The following RSPO2 variants were observed in gnomAD, a reference collection of about 807,000 sequenced individuals.
The protein encoded by RSPO2 is R-spondin 2, also known as R-spondin-2.
A neutral mutation model predicts 30.9 loss-of-function variants in RSPO2; 14 were observed. The observed-to-expected ratio is 0.45, with a 90% confidence interval of 0.30 to 0.71. The LOEUF is 0.71. Ranked by LOEUF, RSPO2 falls within the 30% of genes least tolerant of loss-of-function variation. The pLI is 0.08. For missense variants in RSPO2, 264 were observed against 301.9 expected (o/e 0.87, Z 0.93); for synonymous variants, 107 against 96.4 (o/e 1.11, Z -0.64).
intron 2 of RSPO2, among the ~76,000 whole-genome samples, chr8:108,031,213 C>A (rs1171099672): frequency 2.0e-5 from 3 of 152,160 alleles, no homozygotes; most frequent in South Asian, 2.1e-4. Flanking sequence ...CCAGATTAAT[C>A]TTCCTTCAAA....
At chr8:108,076,251 G>A (rs1813010149) in intron 2 of RSPO2, among the ~76,000 whole-genome samples, 1 of 152,210 alleles carries the variant, frequency 6.6e-6, no homozygotes, top group Non-Finnish European at 1.5e-5. Flanking sequence ...AGCAGGCTGT[G>A]GTCAGATGGT....
At chr8:108,007,516 G>A (rs996456902) in intron 2 of RSPO2, among the ~76,000 whole-genome samples, 3 of 152,056 alleles carry the variant, frequency 2.0e-5, no homozygotes, top group African/African-American at 2.4e-5. Context: ...TGCCTTACAC[G>A]CCTGCTGATG....
intron 2 of RSPO2, among the ~76,000 whole-genome samples, chr8:108,018,416 C>CA (rs1297709915): frequency 6.6e-6 from 1 of 152,212 alleles, no homozygotes; most frequent in Admixed American, 6.5e-5. Context: ...CAGGAGACCT[C>CA]AAGCAGCCAA....
intron 2 of RSPO2, among the ~76,000 whole-genome samples, chr8:108,064,234 GA>G (rs1229062698): frequency 2.2e-4 from 34 of 152,114 alleles, no homozygotes; most frequent in Non-Finnish European, 2.5e-4. Flanking sequence ...CCATCAGAGT[GA>G]AACAGGCAAC....
At chr8:107,942,653 G>A (rs180858164) in intron 5 of RSPO2, among the ~76,000 whole-genome samples, 1 of 152,196 alleles carries the variant, frequency 6.6e-6, no homozygotes, top group African/African-American at 2.4e-5. Flanking sequence ...TAACAGGACA[G>A]CAAAGCTTTT....
At chr8:108,075,467 C>A (rs144110433) in intron 2 of RSPO2, among the ~76,000 whole-genome samples, 2,686 of 148,840 alleles carry the variant, frequency 0.018, 33 homozygotes, top group Middle Eastern at 0.087. Flanking sequence ...GCAACAAGAG[C>A]GAAATTCCAT....
intron 5 of RSPO2, among the ~76,000 whole-genome samples, chr8:107,923,090 AACTT>A (rs1170677002): frequency 6.6e-6 from 1 of 152,226 alleles, no homozygotes; most frequent in African/African-American, 2.4e-5. Context: ...GATCTAATGA[AACTT>A]ACGAGCTTCT....
Position 108,045,618 on chromosome 8 carries a change from C to A in RSPO2, c.94+36927G>T, listed in dbSNP as rs566657666. 9.9e-5 allele frequency among the ~76,000 whole-genome samples: 15 copies of A among 152,186 alleles called. No homozygotes were observed. In the South Asian group the frequency reaches 2.9e-3, roughly 29 times the overall value. ...CACTATCCACAAATACTGAAACTCA[C>A]AAATATTACAACATTTTTGTTGGGA... On this transcript the variant is annotated intron_variant, in intron 2 of 5. Transcript: ENST00000276659.
intron 5 of RSPO2, among the ~76,000 whole-genome samples, chr8:107,935,476 A>G (rs1322408845): frequency 6.6e-6 from 1 of 152,052 alleles, no homozygotes; most frequent in Non-Finnish European, 1.5e-5. Context: ...GAACTCTAAT[A>G]GAAATTAGAG....
chr8:108,059,082 A>G (rs945665796), intron 2 of RSPO2, among the ~76,000 whole-genome samples: 1 of 151,812 alleles, frequency 6.6e-6, no homozygotes, highest in African/African-American at 2.4e-5. Context: ...ATGGGAGAAA[A>G]TTTTTGCAAC....
intron 2 of RSPO2, among the ~76,000 whole-genome samples, chr8:108,008,071 C>A (rs1218955473): frequency 6.6e-6 from 1 of 152,156 alleles, no homozygotes; most frequent in East Asian, 1.9e-4. Flanking sequence ...CACACACATA[C>A]ACCCAAGGGA....
intron 2 of RSPO2, among the ~76,000 whole-genome samples, chr8:108,033,310 T>C (rs1811488745): frequency 6.6e-6 from 1 of 152,184 alleles, no homozygotes; most frequent in African/African-American, 2.4e-5. Context: ...TAAAGCTTTC[T>C]AGCATCTCTT....
chr8:108,074,486 A>G (rs1812951790), intron 2 of RSPO2, among the ~76,000 whole-genome samples: 1 of 152,194 alleles, frequency 6.6e-6, no homozygotes, highest in African/African-American at 2.4e-5. Context: ...CATATTCAAA[A>G]ATAATTTTAA....
intron 5 of RSPO2, among the ~76,000 whole-genome samples, chr8:107,934,012 T>C (rs1812636549): frequency 1.3e-5 from 2 of 152,170 alleles, no homozygotes; most frequent in African/African-American, 4.8e-5. Context: ...AAAAATGAAG[T>C]GCAACTTGTA....
chr8:107,948,775 G>T (rs1196238442), intron 5 of RSPO2, among the ~76,000 whole-genome samples: 1 of 151,708 alleles, frequency 6.6e-6, no homozygotes, highest in East Asian at 1.9e-4. Context: ...CAGGAGAATG[G>T]CATGAACCTG....
chr8:107,994,768 C>G (rs142115411), intron 2 of RSPO2, among the ~76,000 whole-genome samples: 2 of 152,160 alleles, frequency 1.3e-5, no homozygotes, highest in East Asian at 1.9e-4. Flanking sequence ...ATTATTGAAA[C>G]TTTTAGCTTT....
intron 2 of RSPO2, among the ~76,000 whole-genome samples, chr8:108,001,522 C>CA (rs1474093618): frequency 6.6e-6 from 1 of 152,180 alleles, no homozygotes; most frequent in Non-Finnish European, 1.5e-5. Context: ...GATCACAACA[C>CA]ATGCATCGGA....
At chr8:108,048,006 A>C (rs1219037297) in intron 2 of RSPO2, among the ~76,000 whole-genome samples, 1 of 152,070 alleles carries the variant, frequency 6.6e-6, no homozygotes, top group Non-Finnish European at 1.5e-5. Context: ...TGCAGAAGAT[A>C]ATTAACAGAA....
rs1810655511 is a variant in RSPO2 at position 108,010,184 on chromosome 8, A to G, written c.95-20940T>C. On this transcript the variant is annotated intron_variant, in intron 2 of 5. Transcript: ENST00000276659. ...AGGGCTAAGTAATCTTTCAGAGCCA[A>G]TTATCTGCTTAGACAAATAAAGACC... Among the ~76,000 whole-genome samples, 4 of 152,364 alleles carry G rather than the reference A, an allele frequency of 2.6e-5. No homozygotes were observed. In the South Asian group the frequency reaches 8.3e-4, roughly 32 times the overall value.
Sources: gnomAD v4.1 joint callset for allele counts (sites outside exome capture counted in the v4.1 genomes callset) on GRCh38, gnomAD v4.1.1 for gene constraint, MANE v1.5 for transcripts, NCBI Gene and HGNC (gene_info 2026-07-23, HGNC 2026-07-21) for gene names.